Variants in TCF4 observed in about 807,000 individuals in gnomAD.
TCF4 encodes SL3-3 enhancer factor 2.
Under a neutral mutation model 82.1 loss-of-function variants are expected in TCF4, and 3 were observed. The observed-to-expected ratio is 0.04, with a 90% confidence interval of 0.02 to 0.09. The LOEUF (loss-of-function observed/expected upper bound fraction) is 0.09. Ranked by LOEUF, TCF4 falls within the 10% of genes least tolerant of loss-of-function variation. TCF4 has a pLI of 1.00. For missense variants in TCF4, 518 were observed against 852.7 expected (o/e 0.61, Z 4.89); for synonymous variants, 276 against 309.6 (o/e 0.89, Z 1.14).
At chr18:55,322,500 G>A in intron 8 of TCF4, 2 of 980,840 alleles carry the variant, frequency 2.0e-6, no homozygotes, top group Non-Finnish European at 2.4e-6. Flanking sequence ...AGTGTTTTCT[G>A]ACTGCTTGGT....
chr18:55,424,771 CT>C (rs1459895698), intron 5 of TCF4, among the ~76,000 whole-genome samples: 4 of 152,122 alleles, frequency 2.6e-5, no homozygotes, highest in African/African-American at 7.2e-5. Context: ...TTTTTGAGAT[CT>C]TTTGATACAG....
chr18:55,429,825 C>G (rs183177348), intron 5 of TCF4, among the ~76,000 whole-genome samples: 1 of 141,116 alleles, frequency 7.1e-6, no homozygotes, highest in Non-Finnish European at 1.5e-5. Context: ...CCTCATCAAT[C>G]CAGGTGACTT....
At chr18:55,438,596 G>C (rs1027612949) in intron 5 of TCF4, among the ~76,000 whole-genome samples, 1 of 152,200 alleles carries the variant, frequency 6.6e-6, no homozygotes. Context: ...AAGGGACCAC[G>C]GGAGTCTGTT....
intron 8 of TCF4, among the ~76,000 whole-genome samples, chr18:55,300,392 C>T (rs1021973960): frequency 2.7e-5 from 3 of 111,628 alleles, no homozygotes. Flanking sequence ...ATTTGGAAGG[C>T]AGGGGCAGGG....
At chr18:55,512,385 C>A (rs549140189) in intron 3 of TCF4, among the ~76,000 whole-genome samples, 134 of 152,070 alleles carry the variant, frequency 8.8e-4, no homozygotes, top group African/African-American at 2.9e-3. Context: ...AGTTTAAAAG[C>A]AATAAACAAA....
intron 2 of TCF4, chr18:55,631,289 T>C (rs1371469742): frequency 7.7e-7 from 1 of 1,305,246 alleles, no homozygotes; most frequent in Non-Finnish European, 1.1e-6. Context: ...CCTCAGGTGA[T>C]CCACCTACCT....
At chr18:55,337,510 C>G (rs182035370) in intron 8 of TCF4, among the ~76,000 whole-genome samples, 1 of 152,286 alleles carries the variant, frequency 6.6e-6, no homozygotes, top group East Asian at 1.9e-4. Flanking sequence ...ACCAAACTCT[C>G]TTCCAAATGA....
intron 5 of TCF4, among the ~76,000 whole-genome samples, chr18:55,444,687 T>A (rs559184217): frequency 6.6e-6 from 1 of 152,348 alleles, no homozygotes; most frequent in East Asian, 1.9e-4. Context: ...GGGGAACTTA[T>A]CTACTCCCAT....
chr18:55,445,677 A>G (rs1357047213), intron 5 of TCF4, among the ~76,000 whole-genome samples: 1 of 152,144 alleles, frequency 6.6e-6, no homozygotes, highest in African/African-American at 2.4e-5. Context: ...TCAACCTGTC[A>G]TCCCTTCCTC....
At chr18:55,631,238 C>A (rs2097731316) in intron 2 of TCF4, 3 of 736,288 alleles carry the variant, frequency 4.1e-6, no homozygotes, top group South Asian at 3.5e-5. Flanking sequence ...TTAGTAGAGA[C>A]AGGATTTCAT....
intron 5 of TCF4, among the ~76,000 whole-genome samples, chr18:55,458,973 G>C (rs757223895): frequency 1.4e-4 from 22 of 152,096 alleles, no homozygotes; most frequent in African/African-American, 5.3e-4. Flanking sequence ...AAATCTGCTC[G>C]AGGTGGAAAA....
intron 8 of TCF4, among the ~76,000 whole-genome samples, chr18:55,324,242 G>T (rs995007874): frequency 1.3e-5 from 2 of 152,194 alleles, no homozygotes; most frequent in African/African-American, 4.8e-5. Flanking sequence ...GATTAATAAA[G>T]ATATAATGCT....
At chr18:55,452,144 T>G (rs114647162) in intron 5 of TCF4, among the ~76,000 whole-genome samples, 7,290 of 152,282 alleles carry the variant, frequency 0.048, 186 homozygotes, top group African/African-American at 0.062. Flanking sequence ...TCCTTCCCCC[T>G]GCCTCTGTTC....
intron 15 of TCF4, among the ~76,000 whole-genome samples, chr18:55,238,091 G>A (rs1421034173): frequency 2.0e-5 from 3 of 152,184 alleles, no homozygotes; most frequent in Non-Finnish European, 2.9e-5. Context: ...ACTTAAATAC[G>A]TCATAATGTG....
At chr18:55,472,511 T>C (rs979875766) in intron 3 of TCF4, among the ~76,000 whole-genome samples, 2 of 152,168 alleles carry the variant, frequency 1.3e-5, no homozygotes, top group African/African-American at 4.8e-5. Context: ...GAAGAGAAGT[T>C]AGTCGTTTGG....
At chr18:55,465,259 A>T (rs952880580) in intron 3 of TCF4, among the ~76,000 whole-genome samples, 11 of 152,156 alleles carry the variant, frequency 7.2e-5, no homozygotes, top group African/African-American at 2.4e-4. Context: ...CTCTACTGTC[A>T]TTCCTTTTAT....
chr18:55,457,422 A>T (rs1276502565), intron 5 of TCF4, among the ~76,000 whole-genome samples: 1 of 152,236 alleles, frequency 6.6e-6, no homozygotes, highest in East Asian at 1.9e-4. Flanking sequence ...GGATTCACAA[A>T]CTATCAAATA....
chr18:55,444,057 A>C (rs1481329028), intron 5 of TCF4, among the ~76,000 whole-genome samples: 2 of 152,230 alleles, frequency 1.3e-5, no homozygotes, highest in Non-Finnish European at 2.9e-5. Flanking sequence ...TTGCATTCCT[A>C]AGCATCACAC....
intron 5 of TCF4, among the ~76,000 whole-genome samples, chr18:55,424,350 C>G (rs2094897391): frequency 6.6e-6 from 1 of 152,134 alleles, no homozygotes; most frequent in East Asian, 1.9e-4. Flanking sequence ...TCCTATATCA[C>G]AAACTCATCC....
Sources: gnomAD v4.1 joint callset for allele counts (sites outside exome capture counted in the v4.1 genomes callset) on GRCh38, gnomAD v4.1.1 for gene constraint, MANE v1.5 for transcripts, NCBI Gene and HGNC (gene_info 2026-07-23, HGNC 2026-07-21) for gene names.